LIMCH1: variants seen among roughly 807,000 people sequenced by gnomAD.
LIMCH1 encodes the protein LIM and calponin homology domains 1.
LIMCH1 carries 113 observed loss-of-function variants against 176.5 expected under a neutral mutation model. That is an observed-to-expected ratio of 0.64 (90% confidence interval 0.55 to 0.75). LIMCH1 has a LOEUF of 0.75. Ranked by LOEUF, LIMCH1 falls within the 30% of genes least tolerant of loss-of-function variation. The pLI, the probability that LIMCH1 is intolerant of heterozygous loss-of-function variation, is 0.00. For missense variants in LIMCH1, 1,674 were observed against 1,814.9 expected (o/e 0.92, Z 1.41); for synonymous variants, 619 against 645.9 (o/e 0.96, Z 0.63).
intron 1 of LIMCH1, among the ~76,000 whole-genome samples, chr4:41,374,275 T>C (rs1412335183): frequency 6.6e-6 from 1 of 152,150 alleles, no homozygotes; most frequent in East Asian, 1.9e-4. Flanking sequence ...ACATGTTTTC[T>C]GTATTTTAAA....
intron 4 of LIMCH1, among the ~76,000 whole-genome samples, chr4:41,608,232 G>A (rs995379359): frequency 6.6e-6 from 1 of 152,186 alleles, no homozygotes; most frequent in Non-Finnish European, 1.5e-5. Flanking sequence ...GCCAAGAAAA[G>A]GGAGGAATGG....
intron 1 of LIMCH1, among the ~76,000 whole-genome samples, chr4:41,373,380 C>T (rs2054263258): frequency 6.6e-6 from 1 of 152,220 alleles, no homozygotes; most frequent in African/African-American, 2.4e-5. Flanking sequence ...GAGTGGGCTG[C>T]AGGAAAGCTG....
intron 1 of LIMCH1, among the ~76,000 whole-genome samples, chr4:41,374,018 C>A (rs1581173953): frequency 1.3e-5 from 2 of 152,194 alleles, no homozygotes; most frequent in East Asian, 3.8e-4. Flanking sequence ...TGAGTCTCCC[C>A]AGCCATGCTT....
At chr4:41,675,852 G>A (rs973868458) in intron 22 of LIMCH1, among the ~76,000 whole-genome samples, 14 of 152,338 alleles carry the variant, frequency 9.2e-5, no homozygotes, top group African/African-American at 2.9e-4. Flanking sequence ...CAAGTGATCT[G>A]CTTGCCTGGA....
chr4:41,645,593 A>G (rs955278108), intron 15 of LIMCH1, among the ~76,000 whole-genome samples: 8 of 152,306 alleles, frequency 5.3e-5, no homozygotes, highest in African/African-American at 1.9e-4. Context: ...ACTCTTCATC[A>G]TTATGCTATA....
At chr4:41,377,704 G>T (rs1301953359) in intron 1 of LIMCH1, among the ~76,000 whole-genome samples, 1 of 152,152 alleles carries the variant, frequency 6.6e-6, no homozygotes, top group Non-Finnish European at 1.5e-5. Context: ...AGGTTAAGGG[G>T]CTGCATATAG....
At chr4:41,646,348 T>G in intron 16 of LIMCH1, 68 bp downstream of exon 16, 1 of 1,525,426 alleles carries the variant, frequency 6.6e-7, no homozygotes, top group South Asian at 1.3e-5. Flanking sequence ...CTAAAAATTA[T>G]TGGCTGTCAC....
chr4:41,653,761 A>G (rs1011999695), intron 18 of LIMCH1, among the ~76,000 whole-genome samples: 1 of 152,256 alleles, frequency 6.6e-6, no homozygotes, highest in Non-Finnish European at 1.5e-5. Flanking sequence ...GACGGGCACT[A>G]TGGATGACAT....
chr4:41,587,803 G>A (rs1157236026), intron 1 of LIMCH1, among the ~76,000 whole-genome samples: 5 of 152,252 alleles, frequency 3.3e-5, no homozygotes, highest in African/African-American at 4.8e-5. Context: ...AAAAGTTAAA[G>A]TTAACATAGC....
At chr4:41,398,402 CAACT>C (rs1353525579) in intron 1 of LIMCH1, among the ~76,000 whole-genome samples, 1 of 152,002 alleles carries the variant, frequency 6.6e-6, no homozygotes, top group Non-Finnish European at 1.5e-5. Flanking sequence ...TTCCGTCATC[CAACT>C]GAGTTTTGTG....
At chr4:41,627,670 G>A (rs2093056647) in intron 8 of LIMCH1, among the ~76,000 whole-genome samples, 1 of 152,182 alleles carries the variant, frequency 6.6e-6, no homozygotes, top group Non-Finnish European at 1.5e-5. Context: ...GTGAATTGGG[G>A]ACAGGAAAAT....
Position 41,646,173 on chromosome 4 carries a change from CAAGAAAGAGG to C in LIMCH1, c.2312_2321del (p.Glu771GlyfsTer92). Reference sequence around the variant, plus strand: ...GAAGAAGTGTTTCTCAGGACTTAATCAAGAAAGAGGAAGAAAGGAAAAAAATGGAGAAGTT... The same window carrying C: ...GAAGAAGTGTTTCTCAGGACTTAATCAAGAAAGGAAAAAAATGGAGAAGTT... On this transcript the variant is annotated frameshift_variant, in exon 16 of 32. Transcript: ENST00000503057. LOFTEE classifies it high-confidence loss of function. 2 of 1,613,818 alleles carry C rather than the reference CAAGAAAGAGG, an allele frequency of 1.2e-6. No homozygotes were observed. The highest frequency in any genetic ancestry group is 1.7e-6 in the Non-Finnish European group (2 of 1,179,914).
chr4:41,547,493 C>A (rs954182627), intron 1 of LIMCH1, among the ~76,000 whole-genome samples: 1 of 146,416 alleles, frequency 6.8e-6, no homozygotes, highest in African/African-American at 2.7e-5. Context: ...ACTTCCCAGC[C>A]CAAGGTGACC....
chr4:41,646,762 G>A lies in LIMCH1; in HGVS notation c.2689G>A (p.Val897Ile). The change falls in exon 17 of 32, where the codon GTT becomes ATT. Residue 897 changes from valine (V) to isoleucine (I), a missense_variant. Physicochemically the swap from Val to Ile is conservative, Grantham distance 29. This residue lies in a region of LIMCH1 where 1,015 missense variants were observed against 1,102.5 expected (regional missense o/e 0.92). Coordinates refer to ENST00000503057, the MANE Select transcript of LIMCH1 (RefSeq NM_001330672.2). ...TVETTIARAS[V>I]LDTSMSAGSG... ...TGAAACCACCATTGCTCGTGCCAGT[G>A]TTCTGGATACCAGCATGTCAGCAGG... 1 of 1,614,188 alleles carries A rather than the reference G, an allele frequency of 6.2e-7. No homozygotes were observed. The highest frequency in any genetic ancestry group is 1.3e-5 in the African/African-American group (1 of 75,048).
intron 1 of LIMCH1, among the ~76,000 whole-genome samples, chr4:41,374,276 G>A (rs1374872487): frequency 6.6e-6 from 1 of 152,068 alleles, no homozygotes; most frequent in African/African-American, 2.4e-5. Flanking sequence ...CATGTTTTCT[G>A]TATTTTAAAA....
At chr4:41,382,630 T>G (rs536816612) in intron 1 of LIMCH1, among the ~76,000 whole-genome samples, 12 of 152,266 alleles carry the variant, frequency 7.9e-5, no homozygotes, top group South Asian at 2.1e-4. Flanking sequence ...GGATACAACT[T>G]GGTAACCTGT....
chr4:41,365,772 T>C (rs1424409564), intron 1 of LIMCH1, among the ~76,000 whole-genome samples: 1 of 152,362 alleles, frequency 6.6e-6, no homozygotes, highest in East Asian at 1.9e-4. Flanking sequence ...GACACAATGC[T>C]GTCACATGGT....
chr4:41,625,148 A>G (rs1235047885), intron 7 of LIMCH1, among the ~76,000 whole-genome samples: 1 of 152,224 alleles, frequency 6.6e-6, no homozygotes, highest in Admixed American at 6.5e-5. Flanking sequence ...ACCTGAGTTC[A>G]GATGGCTTGA....
chr4:41,665,836 A>G (rs1585580614), intron 20 of LIMCH1, among the ~76,000 whole-genome samples: 1 of 152,234 alleles, frequency 6.6e-6, no homozygotes, highest in African/African-American at 2.4e-5. Context: ...ACTAAAGGTC[A>G]TTCATATTAG....
Sources: gnomAD v4.1 joint callset for allele counts (sites outside exome capture counted in the v4.1 genomes callset) on GRCh38, gnomAD v4.1.1 for gene constraint, gnomAD v4.1.1 regional missense constraint, MANE v1.5 for transcripts, NCBI Gene and HGNC (gene_info 2026-07-23, HGNC 2026-07-21) for gene names.